Variants in EMC4 observed in about 807,000 individuals in gnomAD.
The protein encoded by EMC4 is ER membrane protein complex subunit 4.
EMC4 carries 9 observed loss-of-function variants against 24.2 expected under a neutral mutation model. The ratio of observed to expected loss-of-function variants is 0.37; its 90% CI spans 0.22 to 0.65. EMC4 has a LOEUF of 0.65. EMC4 is among the 30% of genes least tolerant of loss of function. The probability of loss-of-function intolerance (pLI) is 0.59; values close to 1 mark genes in which losing one functional copy is unlikely to be tolerated. For missense variants in EMC4, 169 were observed against 234.6 expected (o/e 0.72, Z 1.83); for synonymous variants, 86 against 81.1 (o/e 1.06, Z -0.32).
rs1489161340 is a variant in EMC4, at chr15:34,229,812, C to T, written c.*24C>T. On this transcript the variant is annotated 3_prime_UTR_variant, in exon 5 of 5. Transcript: ENST00000267750. ...GAACATGAGAAAGCAGCGCCTGGTC[C>T]CTATGTATTTGGGTCTTATTTACAT... 1.9e-6 allele frequency: 3 copies of T among 1,611,562 alleles called. No individual in the cohort carries two copies. In the Admixed American group the frequency reaches 5.0e-5, roughly 27 times the overall value.
In EMC4 at chr15:34,225,085, G is replaced by A; in HGVS notation, c.-30G>A. The A allele has an allele frequency of 6.5e-7, 1 of 1,534,562 alleles. No homozygotes were observed. The highest frequency in any genetic ancestry group is 8.8e-7 in the Non-Finnish European group (1 of 1,131,304). Reference sequence around the variant, plus strand: ...TGTGGAGTACGCTTTGGACTGAGAAGCATCGAGGCTATAGGACGCAGCTGT... The same window carrying A: ...TGTGGAGTACGCTTTGGACTGAGAAACATCGAGGCTATAGGACGCAGCTGT... On this transcript the variant is annotated 5_prime_UTR_variant, in exon 1 of 5. Transcript: ENST00000267750.
At chr15:34,228,686 C>CTTTT (rs71119951) in intron 4 of EMC4, 97 bp downstream of exon 4, 21 of 300,960 alleles carry the variant, frequency 7.0e-5, no homozygotes, top group African/African-American at 1.7e-4. Flanking sequence ...ATTTGAGTTT[C>CTTTT]TTTTTTTTTT....
In EMC4 at chr15:34,230,014, CTTTA is replaced by C. The variant is rs899073549; in HGVS notation, c.*230_*233del. The C allele has an allele frequency of 5.7e-5, 33 of 574,060 alleles. No homozygotes were observed. Among genetic ancestry groups the C allele is most frequent in the South Asian group, 4.6e-5 (2 of 43,648 alleles). 35.6% of individuals were successfully genotyped at this position (574,060 alleles called of 1,614,324 possible). A position where few individuals can be genotyped will look rare whatever the true frequency, so the allele number is the denominator to read the frequency against. ...CCAAGGCTGAAAATAATGTAGAAAACTTTATTTTTGTTTCCAGTACAGAGCAAAA... is the reference window on the plus strand; with the variant it reads ...CCAAGGCTGAAAATAATGTAGAAAACTTTTTGTTTCCAGTACAGAGCAAAA... On this transcript the variant is annotated 3_prime_UTR_variant, in exon 5 of 5. Transcript: ENST00000267750.
intron 4 of EMC4, 186 bp downstream of exon 4, chr15:34,228,775 C>T (rs573962925): frequency 1.4e-3 from 599 of 442,004 alleles, no homozygotes; most frequent in Admixed American, 4.2e-3. Context: ...ACCTCCGCCT[C>T]CTGGGTTCAA....
Position 34,225,219 on chromosome 15 carries a change from C to G in EMC4, c.86+19C>G. On this transcript the variant is annotated intron_variant, in intron 1 of 4. Transcript: ENST00000267750. Reference sequence around the variant, plus strand: ...GCAGCAGGTGAGGCACCTGGGCAAGCTGTACATCACTGTTCATCCCAGAAC... The same window carrying G: ...GCAGCAGGTGAGGCACCTGGGCAAGGTGTACATCACTGTTCATCCCAGAAC... 6.5e-7 allele frequency: 1 copy of G among 1,528,694 alleles called. No individual in the cohort carries two copies. Among genetic ancestry groups the G allele is most frequent in the Non-Finnish European group, 8.8e-7 (1 of 1,130,482 alleles). 94.7% of individuals were successfully genotyped at this position (1,528,694 alleles called of 1,614,324 possible).
chr15:34,225,410 G>A, intron 1 of EMC4, 126 bp from the exon 2 acceptor site: 1 of 839,650 alleles, frequency 1.2e-6, no homozygotes, highest in Non-Finnish European at 2.0e-6. Flanking sequence ...AGGAACATAC[G>A]AGGGGGCTTG....
intron 2 of EMC4, chr15:34,226,406 T>C (rs1018791779): frequency 6.5e-6 from 1 of 153,014 alleles, no homozygotes; most frequent in Non-Finnish European, 1.5e-5. Context: ...TATTGATTTT[T>C]TAAAAATTAT....
At chr15:34,228,220 A>G (rs1890701273) in intron 3 of EMC4, 1 of 562,186 alleles carries the variant, frequency 1.8e-6, no homozygotes, top group Non-Finnish European at 3.1e-6. Flanking sequence ...TCTTAGGGAC[A>G]GTTTTTGGCT....
At chr15:34,227,576 A>G in intron 2 of EMC4, 117 bp from the exon 3 acceptor site, 2 of 1,103,712 alleles carry the variant, frequency 1.8e-6, no homozygotes, top group Non-Finnish European at 1.3e-6. Flanking sequence ...TTGAGGAGTC[A>G]GCTCAGTTAG....
chr15:34,227,634 T>G (rs1447945841), intron 2 of EMC4, 59 bp from the exon 3 acceptor site: 2 of 1,560,458 alleles, frequency 1.3e-6, no homozygotes, highest in Non-Finnish European at 1.8e-6. Context: ...ATCAGTGATA[T>G]GGCAAATGTG....
At chr15:34,225,780 G>A in intron 2 of EMC4, 130 bp downstream of exon 2, 1 of 743,000 alleles carries the variant, frequency 1.3e-6, no homozygotes, top group Non-Finnish European at 2.4e-6. Flanking sequence ...GCTTGAGGCT[G>A]GTATTTCGGT....
intron 4 of EMC4, 87 bp downstream of exon 4, chr15:34,228,676 A>AT: frequency 3.2e-6 from 2 of 631,874 alleles, no homozygotes; most frequent in Non-Finnish European, 5.0e-6. Context: ...TGGAGTTGGT[A>AT]TTTGAGTTTC....
chr15:34,227,769 C>T lies in EMC4; in HGVS notation c.278C>T (p.Thr93Ile), dbSNP rs1406281398. The T allele has an allele frequency of 6.2e-7, 1 of 1,613,956 alleles. No individual in the cohort carries two copies. Among genetic ancestry groups the T allele is most frequent in the Non-Finnish European group, 8.5e-7 (1 of 1,179,924 alleles). The change falls in exon 3 of 5, where the codon ACT (threonine) becomes ATT (isoleucine). Residue 93 changes from threonine to isoleucine, a missense_variant. Physicochemically the swap from Thr to Ile is moderately conservative, Grantham distance 89. Transcript: ENST00000267750. ...TTCATCATGTACATGGCAGGCAATACTATCTCCATCTTCCCTACTATGATG... is the reference window on the plus strand; with the variant it reads ...TTCATCATGTACATGGCAGGCAATATTATCTCCATCTTCCCTACTATGATG... Reference protein sequence around the residue: ...NLFIMYMAGNTISIFPTMMVC... With the variant: ...NLFIMYMAGNIISIFPTMMVC...
Position 34,225,677 on chromosome 15 carries a change from C to G in EMC4, c.201+27C>G, listed in dbSNP as rs117320202. ...TACAGAGGTATAGATGTTACCGTAGCCCATGGGCCAGTCCTGAGTTACACA... is the reference window on the plus strand; with the variant it reads ...TACAGAGGTATAGATGTTACCGTAGGCCATGGGCCAGTCCTGAGTTACACA... On this transcript the variant is annotated intron_variant, in intron 2 of 4. Coordinates refer to ENST00000267750, the MANE Select transcript of EMC4 (RefSeq NM_016454.4). 311 of 1,548,904 alleles carry G rather than the reference C, an allele frequency of 2.0e-4. 1 individual carries two copies. In the East Asian group the frequency reaches 6.7e-3, roughly 33 times the overall value.
chr15:34,226,822 G>A (rs998678859), intron 2 of EMC4: 8 of 152,204 alleles, frequency 5.3e-5, no homozygotes, highest in Admixed American at 4.6e-4. Context: ...GGGATTACAG[G>A]TGTGAGGCAC....
At position 34,225,204 on chromosome 15, in the gene EMC4, AGGCACCTG is replaced by A; in HGVS notation, c.86+9_86+16del. ...GCGGGCCTGGAGGAGGCAGCAGGTG[AGGCACCTG>A]GGCAAGCTGTACATCACTGTTCATC... On this transcript the variant is annotated splice_donor_5th_base_variant and intron_variant, in intron 1 of 4. Coordinates refer to ENST00000267750, the MANE Select transcript of EMC4 (RefSeq NM_016454.4). 6.5e-7 allele frequency: 1 copy of A among 1,548,538 alleles called. No individual in the cohort carries two copies. Among genetic ancestry groups the A allele is most frequent in the Non-Finnish European group, 8.7e-7 (1 of 1,145,288 alleles).
At chr15:34,228,970 G>A in intron 4 of EMC4, 1 of 197,030 alleles carries the variant, frequency 5.1e-6, no homozygotes, top group Non-Finnish European at 1.0e-5. Context: ...TTACAGGCGT[G>A]AGCCACTGCG....
chr15:34,228,424 A>G lies in EMC4; in HGVS notation c.356-5A>G, dbSNP rs746002331. On this transcript the variant is annotated splice_region_variant and splice_polypyrimidine_tract_variant and intron_variant, in intron 3 of 4. Transcript: ENST00000267750. ...TTGGTTTGACAACTTCTGTTACCGC[A>G]ACAGCTTTCAAGATGTTAGAAAGTT... 2.5e-6 allele frequency: 4 copies of G among 1,612,464 alleles called. No individual in the cohort carries two copies. The South Asian group carries it at 4.4e-5, about 18-fold the overall frequency.
intron 1 of EMC4, 65 bp downstream of exon 1, chr15:34,225,265 T>A (rs60202027): frequency 0.068 from 90,767 of 1,336,624 alleles, 3,495 homozygotes; most frequent in Middle Eastern, 0.084. Flanking sequence ...TAATGAGACC[T>A]GAGCCCTCAG....
Sources: gnomAD v4.1 joint callset for allele counts on GRCh38, gnomAD v4.1.1 for gene constraint, MANE v1.5 for transcripts, NCBI Gene and HGNC (gene_info 2026-07-23, HGNC 2026-07-21) for gene names.